Variants in DPP6 observed in about 807,000 individuals in gnomAD.
DPP6 encodes the protein A-type potassium channel modulatory protein DPP6.
Under a neutral mutation model 122.6 loss-of-function variants are expected in DPP6, and 69 were observed. The ratio of observed to expected loss-of-function variants is 0.56; its 90% CI spans 0.46 to 0.69. DPP6 has a LOEUF of 0.69. DPP6 is among the 30% of genes least tolerant of loss of function. DPP6 has a pLI of 0.00. For missense variants in DPP6, 928 were observed against 1,116.9 expected (o/e 0.83, Z 2.41); for synonymous variants, 418 against 433.1 (o/e 0.97, Z 0.43).
At chr7:154,384,737 CT>C (rs757829890) in intron 1 of DPP6, among the ~76,000 whole-genome samples, 2 of 74,352 alleles carry the variant, frequency 2.7e-5, no homozygotes, top group Non-Finnish European at 7.2e-5. Context: ...TTCTTTCTTT[CT>C]TTTATTTTTT....
At chr7:154,246,949 C>A (rs914225019) in intron 1 of DPP6, among the ~76,000 whole-genome samples, 1 of 152,154 alleles carries the variant, frequency 6.6e-6, no homozygotes, top group African/African-American at 2.4e-5. Flanking sequence ...AAAGTTCCTA[C>A]CATAAAAAAA....
At chr7:154,882,661 T>TC (rs1281190703) in intron 21 of DPP6, among the ~76,000 whole-genome samples, 14 of 151,092 alleles carry the variant, frequency 9.3e-5, no homozygotes, top group South Asian at 2.1e-4. Context: ...TTCTGCAGTT[T>TC]CCCCCCCGAC....
intron 3 of DPP6, among the ~76,000 whole-genome samples, chr7:154,526,159 A>G (rs1827390855): frequency 6.6e-6 from 1 of 152,172 alleles, no homozygotes; most frequent in Non-Finnish European, 1.5e-5. Flanking sequence ...CATTTGGGTT[A>G]TGCTGGAATT....
chr7:154,063,478 CAT>C (rs1563159905), intron 1 of DPP6, among the ~76,000 whole-genome samples: 4 of 130,726 alleles, frequency 3.1e-5, no homozygotes, highest in Non-Finnish European at 6.7e-5. Context: ...GACTGAGAGC[CAT>C]TCCCTCTTCC....
At chr7:153,822,439 C>A in the DPP6 span, among the ~76,000 whole-genome samples, 1 of 152,090 alleles carries the variant, frequency 6.6e-6, no homozygotes, top group Non-Finnish European at 1.5e-5. Flanking sequence ...GATCTGCCCA[C>A]CTCGGCCTCC....
At chr7:153,778,206 A>C in the DPP6 span, among the ~76,000 whole-genome samples, 1 of 149,244 alleles carries the variant, frequency 6.7e-6, no homozygotes, top group African/African-American at 2.6e-5. Context: ...TGAGTTTTTC[A>C]TTGTGTAAGA....
intron 1 of DPP6, among the ~76,000 whole-genome samples, chr7:153,978,282 ATT>A (rs778806276): frequency 6.6e-6 from 1 of 152,050 alleles, no homozygotes; most frequent in Admixed American, 6.6e-5. Flanking sequence ...TGTGGTTTTG[ATT>A]TGTATTTCTC....
chr7:154,363,176 C>G (rs977130872), intron 1 of DPP6, among the ~76,000 whole-genome samples: 1 of 152,182 alleles, frequency 6.6e-6, no homozygotes, highest in Non-Finnish European at 1.5e-5. Flanking sequence ...CAGAAGCCAG[C>G]CACAGTGACC....
intron 7 of DPP6, among the ~76,000 whole-genome samples, chr7:154,699,139 C>A (rs944427887): frequency 1.3e-5 from 2 of 152,280 alleles, no homozygotes; most frequent in East Asian, 3.9e-4. Context: ...ATCTCATCTG[C>A]TCCAAATACC....
the DPP6 span, among the ~76,000 whole-genome samples, chr7:153,831,604 T>C: frequency 6.6e-6 from 1 of 152,222 alleles, no homozygotes; most frequent in African/African-American, 2.4e-5. Flanking sequence ...GCCACAGTAA[T>C]ATGTAAGCTA....
Position 154,475,038 on chromosome 7 carries a change from G to A in DPP6, c.457+1G>A. 1 of 1,610,206 alleles carries A rather than the reference G, an allele frequency of 6.2e-7. No homozygotes were observed. The highest frequency in any genetic ancestry group is 8.5e-7 in the Non-Finnish European group (1 of 1,176,586). The stretch of plus-strand genomic sequence containing the variant: ...GACCCCGAGGCTAAGTGGATAAGTG[G>A]TGAGTCCAGGTCCTTCGTGCACAAG... On this transcript the variant is annotated splice_donor_variant, in intron 3 of 25. Coordinates refer to ENST00000377770, the MANE Select transcript of DPP6 (RefSeq NM_130797.4). LOFTEE classifies it high-confidence loss of function.
chr7:154,463,498 C>T (rs375621596), intron 2 of DPP6, among the ~76,000 whole-genome samples: 25 of 152,194 alleles, frequency 1.6e-4, no homozygotes, highest in African/African-American at 4.1e-4. Context: ...TGAGCCACCG[C>T]GCCCAGCCTA....
intron 5 of DPP6, among the ~76,000 whole-genome samples, chr7:154,625,954 C>T (rs1311202991): frequency 6.6e-6 from 1 of 152,112 alleles, no homozygotes; most frequent in Non-Finnish European, 1.5e-5. Flanking sequence ...AATGAGTCAG[C>T]AGCAAGGTCT....
At chr7:154,238,428 A>C (rs1475285408) in intron 1 of DPP6, among the ~76,000 whole-genome samples, 1 of 152,224 alleles carries the variant, frequency 6.6e-6, no homozygotes, top group Non-Finnish European at 1.5e-5. Context: ...ATCGAGGACA[A>C]TATGAGGTGA....
chr7:154,579,475 G>A (rs899998910), intron 5 of DPP6, among the ~76,000 whole-genome samples: 1 of 152,234 alleles, frequency 6.6e-6, no homozygotes, highest in African/African-American at 2.4e-5. Flanking sequence ...TGATTTATTA[G>A]AAATAAGAAT....
chr7:154,178,523 A>C (rs543723388), intron 1 of DPP6, among the ~76,000 whole-genome samples: 1 of 152,108 alleles, frequency 6.6e-6, no homozygotes, highest in Non-Finnish European at 1.5e-5. Context: ...TCCTGAAAAA[A>C]AAAAAACAAT....
At chr7:154,169,823 C>T (rs912754537) in intron 1 of DPP6, among the ~76,000 whole-genome samples, 24 of 152,222 alleles carry the variant, frequency 1.6e-4, no homozygotes, top group African/African-American at 3.9e-4. Flanking sequence ...CTCTGCCTCC[C>T]GGGTTCAAGT....
the DPP6 span, among the ~76,000 whole-genome samples, chr7:153,843,106 G>C: frequency 6.7e-6 from 1 of 149,818 alleles, no homozygotes; most frequent in South Asian, 2.1e-4. Context: ...ATACACACAC[G>C]AGTGCATACA....
At chr7:153,883,034 C>T (rs1441883472), upstream of DPP6, among the ~76,000 whole-genome samples, 9 of 152,304 alleles carry the variant, frequency 5.9e-5, no homozygotes, top group African/African-American at 2.2e-4. Context: ...GGAAATACAA[C>T]TGCAAAACCT....
Sources: gnomAD v4.1 joint callset for allele counts (sites outside exome capture counted in the v4.1 genomes callset) on GRCh38, gnomAD v4.1.1 for gene constraint, MANE v1.5 for transcripts, NCBI Gene and HGNC (gene_info 2026-07-23, HGNC 2026-07-21) for gene names.